The following TENM2 variants were observed in gnomAD, a reference collection of about 807,000 sequenced individuals.
TENM2 encodes teneurin transmembrane protein 2, also known as teneurin-2.
In TENM2, 52 loss-of-function variants were observed where a neutral mutation model predicts 245.2. The observed-to-expected ratio is 0.21, with a 90% CI of 0.17 to 0.27. TENM2 has a LOEUF of 0.27. Among genes scored for constraint, TENM2 ranks in the 10% least tolerant of loss-of-function variants. The pLI, the probability that TENM2 is intolerant of heterozygous loss-of-function variation, is 1.00. For missense variants in TENM2, 3,046 were observed against 3,666.8 expected, an observed-to-expected ratio of 0.83 and a Z score of 4.37; for synonymous variants, 1,363 against 1,438.9, an observed-to-expected ratio of 0.95 and a Z score of 1.19.
chr5:168,021,867 A>G (rs191333656), intron 5 of TENM2, among the ~76,000 whole-genome samples: 209 of 152,006 alleles, frequency 1.4e-3, no homozygotes, highest in African/African-American at 4.8e-3. Flanking sequence ...GACCTATCCA[A>G]TTTCAAAAAA....
intron 1 of TENM2, among the ~76,000 whole-genome samples, chr5:167,310,341 G>T (rs1381172338): frequency 6.6e-6 from 1 of 152,172 alleles, no homozygotes. Context: ...TCATGCTCCT[G>T]TGGCTGTCCC....
intron 7 of TENM2, among the ~76,000 whole-genome samples, chr5:168,078,454 T>G (rs911245955): frequency 6.6e-6 from 1 of 152,240 alleles, no homozygotes; most frequent in African/African-American, 2.4e-5. Flanking sequence ...TTTGTCAATT[T>G]TGGCTTTTGT....
chr5:167,913,974 C>A (rs1299911187), intron 3 of TENM2, among the ~76,000 whole-genome samples: 1 of 152,184 alleles, frequency 6.6e-6, no homozygotes, highest in Non-Finnish European at 1.5e-5. Flanking sequence ...GTCTGGTGAG[C>A]AATCAATAAA....
intron 2 of TENM2, among the ~76,000 whole-genome samples, chr5:167,444,007 C>T (rs1223091068): frequency 6.6e-6 from 1 of 151,984 alleles, no homozygotes; most frequent in Admixed American, 6.6e-5. Context: ...AAAATATTAG[C>T]ATATTCATTG....
intron 2 of TENM2, among the ~76,000 whole-genome samples, chr5:167,485,876 CA>C (rs911277296): frequency 2.0e-5 from 3 of 152,112 alleles, no homozygotes; most frequent in African/African-American, 7.2e-5. Flanking sequence ...AAAACCTATA[CA>C]AACCTAGGTA....
rs927254985 is a variant in TENM2 at position 167,344,185 on chromosome 5, TAC to T, written c.227-31003_227-31002del. 8.1e-5 allele frequency among the ~76,000 whole-genome samples: 12 copies of T among 148,430 alleles called. No individual in the cohort carries two copies. In the South Asian group the frequency reaches 1.9e-3, roughly 23 times the overall value. Reference sequence around the variant, plus strand: ...TTTTATATATATATAAAGTAGAGAATACACACACACATATTGCAGAGATATGA... The same window carrying T: ...TTTTATATATATATAAAGTAGAGAATACACACACATATTGCAGAGATATGA... On this transcript the variant is annotated intron_variant, in intron 1 of 28. Transcript: ENST00000518659.
chr5:167,994,356 C>T (rs553956240), intron 5 of TENM2, among the ~76,000 whole-genome samples: 1 of 152,354 alleles, frequency 6.6e-6, no homozygotes, highest in East Asian at 1.9e-4. Flanking sequence ...ATAAACCCTC[C>T]CTTCTCGCTC....
chr5:167,766,102 C>A (rs191207495), intron 2 of TENM2, among the ~76,000 whole-genome samples: 6 of 152,180 alleles, frequency 3.9e-5, no homozygotes, highest in Admixed American at 3.9e-4. Context: ...GTTATGTGGA[C>A]AAATTGCAGG....
the TENM2 span, among the ~76,000 whole-genome samples, chr5:167,254,858 T>G: frequency 6.6e-6 from 1 of 151,960 alleles, no homozygotes; most frequent in Non-Finnish European, 1.5e-5. Context: ...AGGAAGCAAG[T>G]GAGTGCTAAG....
intron 1 of TENM2, among the ~76,000 whole-genome samples, chr5:167,330,160 C>T (rs1757356399): frequency 3.3e-5 from 5 of 152,104 alleles, no homozygotes; most frequent in Admixed American, 3.3e-4. Context: ...GAAGAGGATA[C>T]CAGTGACTTA....
chr5:167,869,267 T>C (rs984678631), intron 2 of TENM2, among the ~76,000 whole-genome samples: 2 of 152,312 alleles, frequency 1.3e-5, no homozygotes, highest in Admixed American at 1.3e-4. Context: ...CAGGGTTTTA[T>C]TTGGAGCAGG....
At chr5:167,816,518 C>T (rs571040650) in intron 2 of TENM2, among the ~76,000 whole-genome samples, 1 of 152,176 alleles carries the variant, frequency 6.6e-6, no homozygotes, top group Non-Finnish European at 1.5e-5. Flanking sequence ...AACTGTTCTG[C>T]CCCTGTGGAA....
At chr5:167,696,918 C>T (rs1287610179) in intron 2 of TENM2, among the ~76,000 whole-genome samples, 8 of 152,206 alleles carry the variant, frequency 5.3e-5, no homozygotes, top group Admixed American at 5.2e-4. Context: ...GCTTAAAAAC[C>T]TCAAGAAGCT....
intron 1 of TENM2, among the ~76,000 whole-genome samples, chr5:167,292,260 T>C (rs1754684478): frequency 6.6e-6 from 1 of 152,200 alleles, no homozygotes; most frequent in African/African-American, 2.4e-5. Flanking sequence ...CCTTGGAATA[T>C]TTTATCTTTA....
At chr5:167,632,678 A>T (rs550914354) in intron 2 of TENM2, among the ~76,000 whole-genome samples, 1 of 152,168 alleles carries the variant, frequency 6.6e-6, no homozygotes, top group African/African-American at 2.4e-5. Context: ...TCACGCACAC[A>T]CACCATGCAC....
chr5:168,247,088 A>T lies in TENM2; in HGVS notation c.6149A>T (p.Lys2050Met), dbSNP rs1263354738. The T allele has an allele frequency of 6.2e-7, 1 of 1,613,950 alleles. No individual in the cohort carries two copies. The stretch of plus-strand genomic sequence containing the variant: ...TATGACGAGACCACTGGTGTCTTGA[A>T]GATGGTCAACCTCCAAAGTGGGGGC... The change falls in exon 27 of 29, where the codon AAG becomes ATG. Residue 2050 changes from lysine (K) to methionine (M), a missense_variant. Coordinates refer to ENST00000518659, the Ensembl canonical transcript of TENM2. The surrounding 1 kb of genome is among the most constrained non-coding windows in gnomAD (Gnocchi z 7.8).
At chr5:168,195,348 G>A in intron 15 of TENM2, 53 bp downstream of exon 17, 2 of 1,548,070 alleles carry the variant, frequency 1.3e-6, no homozygotes, top group Non-Finnish European at 1.7e-6. Context: ...TGTGTGCAAA[G>A]GGACAGACGG....
chr5:168,222,221 C>T (rs1243407430), intron 23 of TENM2, among the ~76,000 whole-genome samples: 1 of 152,230 alleles, frequency 6.6e-6, no homozygotes, highest in Non-Finnish European at 1.5e-5. Flanking sequence ...CCTCACTTTG[C>T]ATTTCTCCTG....
rs143524238 is a variant in TENM2, at chr5:167,523,246, G to T, written c.502+147773G>T. Among the ~76,000 whole-genome samples, 8 of 152,218 alleles carry T rather than the reference G, an allele frequency of 5.3e-5. No individual in the cohort carries two copies. In the East Asian group the frequency reaches 1.5e-3, roughly 29 times the overall value. On this transcript the variant is annotated intron_variant, in intron 2 of 28. Coordinates refer to ENST00000518659, the Ensembl canonical transcript of TENM2. ...AGGAGGTAAGATTTGCAGGTTCCAG[G>T]GATTAGGAAATAGACATCTGTTTCT...
Sources: gnomAD v4.1 joint callset for allele counts (sites outside exome capture counted in the v4.1 genomes callset) on GRCh38, gnomAD v4.1.1 for gene constraint, Gnocchi (gnomAD v3.1) non-coding constraint, MANE v1.5 for transcripts, NCBI Gene and HGNC (gene_info 2026-07-23, HGNC 2026-07-21) for gene names.